Variants in HMSD observed in about 807,000 individuals in gnomAD.
HMSD encodes serpin-like protein HMSD.
In HMSD, 13 loss-of-function variants were observed where a neutral mutation model predicts 10.0. That is an observed-to-expected ratio of 1.31 (90% CI 0.85 to 2.08). The LOEUF is 2.08. Ranked by LOEUF, HMSD falls within the 30% of genes most tolerant of loss-of-function variation. The pLI is 0.00. For synonymous variants in HMSD, 51 were observed against 54.2 expected, an observed-to-expected ratio of 0.94 and a Z score of 0.26; for missense variants, 169 against 166.3, an observed-to-expected ratio of 1.02 and a Z score of -0.09.
chr18:63,953,311 AGCCTATATTAATGTAAT>A, intron 1 of HMSD, 26 bp from the exon 2 acceptor site: 1 of 611,778 alleles, frequency 1.6e-6, no homozygotes, highest in Non-Finnish European at 3.0e-6. Flanking sequence ...TACACATGTA[AGCCTATATTAATGTAAT>A]ATTGTTTAAA....
downstream of HMSD, chr18:63,966,829 G>A (rs2050411811): frequency 6.6e-6 from 1 of 152,174 alleles, no homozygotes. Context: ...ATGGGACTCT[G>A]GGCAAATCAC....
chr18:63,963,077 C>CT (rs1362877005), downstream of HMSD, among the ~76,000 whole-genome samples: 264 of 31,600 alleles, frequency 8.4e-3, 1 homozygote, highest in African/African-American at 0.027. Context: ...CTTTCTCTTT[C>CT]TTTCTTTCTT....
intron 3 of HMSD, among the ~76,000 whole-genome samples, chr18:63,957,994 C>T (rs566644215): frequency 7.9e-5 from 12 of 152,094 alleles, no homozygotes; most frequent in African/African-American, 2.4e-4. Context: ...ATCACCTAGG[C>T]GTGCAAGAAG....
downstream of HMSD, among the ~76,000 whole-genome samples, chr18:63,963,391 C>T (rs750188335): frequency 9.2e-5 from 14 of 151,740 alleles, no homozygotes; most frequent in African/African-American, 3.4e-4. Flanking sequence ...CCCAGCCTCC[C>T]GACCAATTTT....
downstream of HMSD, among the ~76,000 whole-genome samples, chr18:63,965,586 G>A (rs1202592405): frequency 1.3e-5 from 2 of 152,122 alleles, no homozygotes; most frequent in Non-Finnish European, 2.9e-5. Context: ...GCATATTAAT[G>A]TAATGCTTTT....
At chr18:63,954,352 AT>A (rs2050346441) in intron 2 of HMSD, 55 bp from the exon 3 acceptor site, 3 of 1,287,768 alleles carry the variant, frequency 2.3e-6, no homozygotes, top group South Asian at 2.6e-5. Context: ...TTGTGCCTAT[AT>A]TTTGAAGTCA....
intron 3 of HMSD, among the ~76,000 whole-genome samples, chr18:63,959,447 C>T (rs1007255608): frequency 1.3e-5 from 2 of 152,154 alleles, no homozygotes; most frequent in African/African-American, 4.8e-5. Context: ...TTGGAATTTT[C>T]AGCCATCTTT....
chr18:63,963,434 T>C (rs573796415), downstream of HMSD, among the ~76,000 whole-genome samples: 8 of 152,244 alleles, frequency 5.3e-5, 1 homozygote, highest in African/African-American at 1.9e-4. Flanking sequence ...TTTCACCATG[T>C]TGGCCAGGCT....
rs537554425 is a variant in HMSD, at chr18:63,959,411, G to T, written c.223-747G>T. Among the ~76,000 whole-genome samples, 9 of 152,152 alleles carry T rather than the reference G, an allele frequency of 5.9e-5. No individual in the cohort carries two copies. In the South Asian group the frequency reaches 1.7e-3, roughly 28 times the overall value. On this transcript the variant is annotated intron_variant, in intron 3 of 3. Coordinates refer to ENST00000408945, the MANE Select transcript of HMSD (RefSeq NM_001123366.2). ...TCACTTGAGATTTCTTCTGTGATTC[G>T]TGTGTTATTGAATCTCCGAGTACTT...
chr18:63,962,262 A>G (rs560307973), downstream of HMSD, among the ~76,000 whole-genome samples: 1 of 152,232 alleles, frequency 6.6e-6, no homozygotes, highest in Non-Finnish European at 1.5e-5. Context: ...AATGTCTGGT[A>G]ATGCCAAACA....
intron 3 of HMSD, among the ~76,000 whole-genome samples, chr18:63,955,045 T>C (rs981798190): frequency 3.3e-5 from 5 of 152,254 alleles, no homozygotes; most frequent in African/African-American, 1.2e-4. Flanking sequence ...AAGTAATTTC[T>C]TGTTATTTAA....
At chr18:63,969,525 T>C (rs946759732) in intron 3 of HMSD, 6 of 152,374 alleles carry the variant, frequency 3.9e-5, no homozygotes, top group African/African-American at 1.4e-4. Context: ...AGATGTCCAG[T>C]AGTACACAGG....
chr18:63,967,971 C>A (rs2050417532), intron 3 of HMSD: 1 of 152,306 alleles, frequency 6.6e-6, no homozygotes, highest in East Asian at 1.9e-4. Flanking sequence ...TATCGACTTG[C>A]AGACAAATTC....
chr18:63,963,133 CCTTT>C (rs1466745476), downstream of HMSD, among the ~76,000 whole-genome samples: 3 of 108,376 alleles, frequency 2.8e-5, no homozygotes, highest in Non-Finnish European at 3.9e-5. Flanking sequence ...TTCTTTCTTT[CCTTT>C]CTTTCTTCTC....
chr18:63,962,973 G>C (rs1002721119), downstream of HMSD, among the ~76,000 whole-genome samples: 1 of 152,092 alleles, frequency 6.6e-6, no homozygotes, highest in Non-Finnish European at 1.5e-5. Flanking sequence ...CCTGATTGGC[G>C]TATCTAGTGG....
chr18:63,958,373 A>T (rs923697445), intron 3 of HMSD, among the ~76,000 whole-genome samples: 1 of 152,176 alleles, frequency 6.6e-6, no homozygotes, highest in African/African-American at 2.4e-5. Flanking sequence ...TCTCCATGCC[A>T]TACTGATACA....
At chr18:63,955,514 A>G (rs931547050) in intron 3 of HMSD, among the ~76,000 whole-genome samples, 1 of 152,140 alleles carries the variant, frequency 6.6e-6, no homozygotes, top group African/African-American at 2.4e-5. Flanking sequence ...TTTCATAAAT[A>G]TTGCCAAATT....
chr18:63,960,016 A>G (rs2050377795), intron 3 of HMSD, 142 bp from the exon 4 acceptor site: 1 of 857,402 alleles, frequency 1.2e-6, no homozygotes, highest in African/African-American at 1.7e-5. Flanking sequence ...TTTGGACTTT[A>G]GGTTAATTCC....
chr18:63,959,894 A>G (rs1051633790), intron 3 of HMSD, among the ~76,000 whole-genome samples: 2 of 152,158 alleles, frequency 1.3e-5, no homozygotes, highest in Non-Finnish European at 2.9e-5. Context: ...TATCTCATTG[A>G]TGGGTGTACT....
Sources: allele counts gnomAD v4.1 joint callset (sites outside exome capture counted in the v4.1 genomes callset), GRCh38; gene constraint gnomAD v4.1.1; transcripts MANE v1.5; gene names NCBI Gene and HGNC (gene_info 2026-07-23, HGNC 2026-07-21).